NUP214: variants seen among roughly 807,000 people sequenced by gnomAD.
The protein encoded by NUP214 is nuclear pore complex protein Nup214.
A neutral mutation model predicts 196.2 loss-of-function variants in NUP214; 79 were observed. That is an observed-to-expected ratio of 0.40 (90% CI 0.34 to 0.49). The LOEUF (loss-of-function observed/expected upper bound fraction) is 0.49, where lower values mean the gene tolerates loss of function less well. Among genes scored for constraint, NUP214 ranks in the 20% least tolerant of loss-of-function variants. NUP214 has a pLI of 0.58. For missense variants in NUP214, 2,468 were observed against 2,539.0 expected (o/e 0.97, Z 0.60); for synonymous variants, 1,020 against 990.5 (o/e 1.03, Z -0.56).
intron 11 of NUP214, among the ~76,000 whole-genome samples, chr9:131,143,896 A>C (rs1832005062): frequency 6.6e-6 from 1 of 151,940 alleles, no homozygotes; most frequent in African/African-American, 2.4e-5. Context: ...CTTTGTTTTG[A>C]GATACCTGTA....
intron 30 of NUP214, among the ~76,000 whole-genome samples, 180 bp from the exon 31 acceptor site, chr9:131,215,032 T>C (rs566125284): frequency 1.4e-4 from 21 of 152,314 alleles, no homozygotes; most frequent in Admixed American, 3.9e-4. Flanking sequence ...GAACTTCTCA[T>C]AGATAGGAAG....
intron 1 of NUP214, among the ~76,000 whole-genome samples, 161 bp from the exon 2 acceptor site, chr9:131,127,363 A>G (rs1831394877): frequency 6.6e-6 from 1 of 152,224 alleles, no homozygotes; most frequent in Non-Finnish European, 1.5e-5. Flanking sequence ...AGCCTGGACG[A>G]CAGAGCGAGA....
intron 31 of NUP214, among the ~76,000 whole-genome samples, chr9:131,221,854 C>CA (rs3840730): frequency 0.048 from 7,343 of 152,008 alleles, 288 homozygotes; most frequent in East Asian, 0.17. Flanking sequence ...CCACCCCCCC[C>CA]AAAAAAAGTT....
At position 131,197,917 on chromosome 9, in the gene NUP214, A is replaced by G. The variant is rs777718876; in HGVS notation, c.4423A>G (p.Ser1475Gly). 1.2e-6 allele frequency: 2 copies of G among 1,614,108 alleles called. No homozygotes were observed. The highest frequency in any genetic ancestry group is 2.2e-5 in the South Asian group (2 of 91,072). The change falls in exon 29 of 36, where the codon AGC becomes GGC. Residue 1475 changes from serine to glycine, a missense_variant. By Grantham distance (56) the Ser-to-Gly change is moderately conservative. Coordinates refer to ENST00000359428, the MANE Select transcript of NUP214 (RefSeq NM_005085.4). ...ATCATTCCCCACATTGTCATTTGGT[A>G]GCCTCCTGAGTTCAGCAACTACCCC... is the stretch of plus-strand genomic sequence containing the variant. ...PTSFPTLSFG[S>G]LLSSATTPSL...
At chr9:131,170,577 A>T (rs1392326322) in intron 21 of NUP214, among the ~76,000 whole-genome samples, 1 of 152,124 alleles carries the variant, frequency 6.6e-6, no homozygotes, top group African/African-American at 2.4e-5. Context: ...TGCTCTTATA[A>T]TGGTAGATTT....
intron 17 of NUP214, among the ~76,000 whole-genome samples, chr9:131,152,905 A>G (rs995919614): frequency 6.6e-6 from 1 of 151,854 alleles, no homozygotes. Context: ...CCTCCCACAT[A>G]GTTGGGAGTA....
intron 27 of NUP214, among the ~76,000 whole-genome samples, chr9:131,193,629 C>CTTTTTTT (rs71389402): frequency 0.03 from 857 of 28,208 alleles, 272 homozygotes; most frequent in Admixed American, 0.033. Context: ...TCTTCCTTTT[C>CTTTTTTT]TTTTTTTTTT....
intron 30 of NUP214, among the ~76,000 whole-genome samples, chr9:131,209,232 G>A (rs992753986): frequency 6.6e-6 from 1 of 152,040 alleles, no homozygotes; most frequent in African/African-American, 2.4e-5. Flanking sequence ...CCACAAGTTG[G>A]CTGGGCGTGG....
intron 1 of NUP214, chr9:131,126,988 G>C: frequency 6.6e-6 from 1 of 152,164 alleles, no homozygotes. Flanking sequence ...TGGTAATCTC[G>C]CACTCCCTTT....
rs1834910982 is a variant in NUP214 at position 131,232,631 on chromosome 9, C to T, written c.6239+323C>T. 1 of 461,854 alleles carries T rather than the reference C, an allele frequency of 2.2e-6. No homozygotes were observed. Among genetic ancestry groups the T allele is most frequent in the Non-Finnish European group, 4.0e-6 (1 of 251,002 alleles). The allele number at this position is 461,854 out of a possible 1,614,324, so 28.6% of individuals were successfully genotyped here. On this transcript the variant is annotated intron_variant, in intron 35 of 35. Transcript: ENST00000359428. The surrounding 1 kb of genome is among the most constrained non-coding windows in gnomAD (Gnocchi z 5.1). ...TTCCCTGGAGGTTTCTCAGAAGCTGCATGCTAACCCCTGGGCTCTGGGCCA... is the reference window on the plus strand; with the variant it reads ...TTCCCTGGAGGTTTCTCAGAAGCTGTATGCTAACCCCTGGGCTCTGGGCCA...
At chr9:131,207,325 G>A (rs940493028) in intron 30 of NUP214, among the ~76,000 whole-genome samples, 9 of 152,224 alleles carry the variant, frequency 5.9e-5, no homozygotes, top group Non-Finnish European at 1.3e-4. Flanking sequence ...TGTCTTCACA[G>A]TATCTGTGAT....
At chr9:131,168,988 G>C (rs1045573227) in intron 21 of NUP214, among the ~76,000 whole-genome samples, 1 of 151,170 alleles carries the variant, frequency 6.6e-6, no homozygotes, top group Non-Finnish European at 1.5e-5. Flanking sequence ...CTAGATTCTA[G>C]AGGTGTTCTG....
Position 131,197,701 on chromosome 9 carries a change from A to G in NUP214, c.4207A>G (p.Thr1403Ala), listed in dbSNP as rs746113597. The G allele has an allele frequency of 1.6e-5, 26 of 1,614,040 alleles. No individual in the cohort carries two copies. In the African/African-American group the frequency reaches 2.7e-4, roughly 17 times the overall value. The change falls in exon 29 of 36, where the codon ACC becomes GCC. Residue 1403 changes from threonine to alanine, a missense_variant. Physicochemically the swap from Thr to Ala is moderately conservative, Grantham distance 58 (BLOSUM62 0). Transcript: ENST00000359428. Reference sequence around the variant, plus strand: ...CACCTCAGTAGCACCACCAGCAGCCACCAGCACTTCCTCAACTGCCGTTTT... The same window carrying G: ...CACCTCAGTAGCACCACCAGCAGCCGCCAGCACTTCCTCAACTGCCGTTTT... Reference protein sequence around the residue: ...TTTSVAPPAATSTSSTAVFGS... With the variant: ...TTTSVAPPAAASTSSTAVFGS...
At chr9:131,159,576 G>A (rs2133545233) in intron 18 of NUP214, 90 bp downstream of exon 18, 1 of 1,131,200 alleles carries the variant, frequency 8.8e-7, no homozygotes, top group East Asian at 2.6e-5. Context: ...GAAAATCCCA[G>A]GCCGGGTGCG....
chr9:131,147,464 TTTTA>T, intron 13 of NUP214, 22 bp from the exon 14 acceptor site: 2 of 1,557,476 alleles, frequency 1.3e-6, no homozygotes, highest in Non-Finnish European at 1.8e-6. Flanking sequence ...ATGCCATCTA[TTTTA>T]ACTGACTTCT....
rs1455096304 is a variant in NUP214 at position 131,189,890 on chromosome 9, T to C, written c.3574+759T>C. On this transcript the variant is annotated intron_variant, in intron 26 of 35. Coordinates refer to ENST00000359428, the MANE Select transcript of NUP214 (RefSeq NM_005085.4). The stretch of plus-strand genomic sequence containing the variant: ...GCAATACTGAATTTTTACAACACTG[T>C]TGATTCTGGCATTTGTTTCAATCAT... 3 of 153,288 alleles carry C rather than the reference T, an allele frequency of 2.0e-5. No homozygotes were observed. The East Asian group carries it at 5.6e-4, about 29-fold the overall frequency. The allele number at this position is 153,288 out of a possible 1,614,324, so 9.5% of individuals were successfully genotyped here.
At chr9:131,211,145 T>C (rs542694724) in intron 30 of NUP214, among the ~76,000 whole-genome samples, 1 of 152,210 alleles carries the variant, frequency 6.6e-6, no homozygotes, top group Non-Finnish European at 1.5e-5. Context: ...GCTGTGTTCA[T>C]GGAGCCTCCA....
At chr9:131,141,479 T>C (rs1271635324) in intron 11 of NUP214, among the ~76,000 whole-genome samples, 1 of 64,600 alleles carries the variant, frequency 1.5e-5, no homozygotes, top group African/African-American at 6.2e-5. Context: ...GAAAAGAAAC[T>C]TTTTTTTTTT....
chr9:131,172,714 A>G (rs1281906084), intron 21 of NUP214, among the ~76,000 whole-genome samples: 21 of 152,238 alleles, frequency 1.4e-4, no homozygotes, highest in Non-Finnish European at 1.3e-4. Context: ...ACATATGGCT[A>G]CTGGCTACCA....
Sources: gnomAD v4.1 joint callset for allele counts (sites outside exome capture counted in the v4.1 genomes callset) on GRCh38, gnomAD v4.1.1 for gene constraint, Gnocchi (gnomAD v3.1) non-coding constraint, MANE v1.5 for transcripts, NCBI Gene and HGNC (gene_info 2026-07-23, HGNC 2026-07-21) for gene names.